GUCY2D: variants seen among roughly 807,000 people sequenced by gnomAD.
GUCY2D encodes the protein guanylate cyclase 2D, retinal, also known as retinal guanylyl cyclase 1.
In GUCY2D, 70 loss-of-function variants were observed where a neutral mutation model predicts 101.3. The observed-to-expected ratio is 0.69, with a 90% CI of 0.57 to 0.84. The LOEUF is 0.84. Ranked by LOEUF, GUCY2D falls within the 40% of genes least tolerant of loss-of-function variation. The pLI, the probability that GUCY2D is intolerant of heterozygous loss-of-function variation, is 0.00. For synonymous variants in GUCY2D, 688 were observed against 670.7 expected (o/e 1.03, Z -0.40); for missense variants, 1,460 against 1,542.5 (o/e 0.95, Z 0.90).
rs767060337 is a variant in GUCY2D at position 8,006,399 on chromosome 17, T to C, written c.1063T>C (p.Phe355Leu). 6.2e-7 allele frequency: 1 copy of C among 1,601,586 alleles called. No individual in the cohort carries two copies. Among genetic ancestry groups the C allele is most frequent in the South Asian group, 1.1e-5 (1 of 91,084 alleles). The change falls in exon 4 of 20, where the codon TTC (phenylalanine) becomes CTC (leucine). Residue 355 changes from phenylalanine to leucine, a missense_variant. Phe to Leu is a conservative substitution (Grantham distance 22). Coordinates refer to ENST00000254854, the MANE Select transcript of GUCY2D (RefSeq NM_000180.4). ...CTTTGGCACCATCTATGACGCGGTC[T>C]TCTTGCTGGCAAGGGGCGTGGCAGA... ...PLFGTIYDAVFLLARGVAEAR... is the reference protein window; with the variant it reads ...PLFGTIYDAVLLLARGVAEAR...
Position 8,002,857 on chromosome 17 carries a change from G to T in GUCY2D, c.-10+123G>T. On this transcript the variant is annotated intron_variant, in intron 1 of 19. Coordinates refer to ENST00000254854, the MANE Select transcript of GUCY2D (RefSeq NM_000180.4). The surrounding 1 kb of genome is among the most constrained non-coding windows in gnomAD (Gnocchi z 4.9). ...CCGGGTGGGAGCGGGAAGCCGGGGC[G>T]GCAGAAGGGGGCTTCGGGGCGGTGT... 3 of 542,986 alleles carry T rather than the reference G, an allele frequency of 5.5e-6. No homozygotes were observed. The highest frequency in any genetic ancestry group is 2.4e-5 in the South Asian group (1 of 41,818). The allele number at this position is 542,986 out of a possible 1,614,324, so 33.6% of individuals were successfully genotyped here. A position where few individuals can be genotyped will look rare whatever the true frequency, so the allele number is the denominator to read the frequency against.
At chr17:8,006,917 T>C in intron 4 of GUCY2D, 143 bp from the exon 5 acceptor site, 3 of 822,504 alleles carry the variant, frequency 3.6e-6, no homozygotes, top group South Asian at 2.9e-5. Flanking sequence ...CCTCTCCCCT[T>C]TGAGGAACTA....
chr17:8,007,032 A>G lies in GUCY2D; in HGVS notation c.1379-28A>G, dbSNP rs61749680. 1.3e-6 allele frequency: 2 copies of G among 1,579,962 alleles called. No homozygotes were observed. Among genetic ancestry groups the G allele is most frequent in the South Asian group, 1.1e-5 (1 of 90,376 alleles). ...GAGGCCTCCCCTGGCATCGCTCCTC[A>G]GTATACCTCCTGTCACTGTCCCTTC... On this transcript the variant is annotated intron_variant, in intron 4 of 19. Coordinates refer to ENST00000254854, the MANE Select transcript of GUCY2D (RefSeq NM_000180.4).
chr17:8,012,668 C>T, intron 10 of GUCY2D, 62 bp downstream of exon 10: 1 of 1,286,206 alleles, frequency 7.8e-7, no homozygotes, highest in South Asian at 1.2e-5. Flanking sequence ...GGGCTTCTCC[C>T]CCGCTTCCTC....
At chr17:8,005,768 T>C (rs2151800169) in intron 3 of GUCY2D, among the ~76,000 whole-genome samples, 3 of 152,334 alleles carry the variant, frequency 2.0e-5, no homozygotes, top group Middle Eastern at 6.8e-3. Flanking sequence ...TGTACACTGA[T>C]ACATCTTTAG....
intron 7 of GUCY2D, 102 bp from the exon 8 acceptor site, chr17:8,009,404 C>T: frequency 2.4e-6 from 2 of 816,468 alleles, no homozygotes; most frequent in Non-Finnish European, 4.4e-6. Context: ...AAGATGCATT[C>T]TGGGACAGTG....
intron 19 of GUCY2D, among the ~76,000 whole-genome samples, chr17:8,017,688 G>C (rs80076597): frequency 0.029 from 4,364 of 152,220 alleles, 74 homozygotes; most frequent in Non-Finnish European, 0.048. Context: ...AATCCTCTCT[G>C]CTTAGAATTT....
In GUCY2D at chr17:8,016,483, G is replaced by C. The variant is rs779735498; in HGVS notation, c.3265G>C (p.Glu1089Gln). 2.7e-5 allele frequency: 43 copies of C among 1,580,690 alleles called. No individual in the cohort carries two copies. The highest frequency in any genetic ancestry group is 3.4e-5 in the Non-Finnish European group (39 of 1,164,048). Reference protein sequence around the residue: ...HGISLQEIPPERRRKLEKARP... With the variant: ...HGISLQEIPPQRRRKLEKARP... ...CATCAGCCTGCAGGAGATCCCACCC[G>C]AGCGGCGACGGAAGCTGGAGAAGGC... is the stretch of plus-strand genomic sequence containing the variant. Residue 1089 changes from glutamate (E) to glutamine (Q), a missense_variant, in exon 19 of 20, where the codon GAG becomes CAG. Physicochemically the swap from Glu to Gln is conservative, Grantham distance 29 (BLOSUM62 2). Coordinates refer to ENST00000254854, the MANE Select transcript of GUCY2D (RefSeq NM_000180.4).
In GUCY2D at chr17:8,002,911, C is replaced by T. The variant is rs908261667; in HGVS notation, c.-9-128C>T. The T allele has an allele frequency of 5.7e-6, 4 of 696,212 alleles. No homozygotes were observed. Among genetic ancestry groups the T allele is most frequent in the Non-Finnish European group, 9.1e-6 (4 of 439,666 alleles). 43.1% of individuals were successfully genotyped at this position (696,212 alleles called of 1,614,324 possible). ...TGGCCCCAGTTAGTCTTCCCAGCCT[C>T]CGGAGGGGGCGGTAGCAGCAGAATC... is the stretch of plus-strand genomic sequence containing the variant. On this transcript the variant is annotated intron_variant, in intron 1 of 19. Transcript: ENST00000254854. This position sits in a 1 kb window ranked among gnomAD's most constrained non-coding sequence, Gnocchi z 4.9.
In GUCY2D at chr17:8,013,661, C is replaced by T. The variant is rs1035327554; in HGVS notation, c.2264-219C>T. ...TATGTTAGTTTCTTTGCCTATGTCA[C>T]CTCTTACTGACCCCCAGAGTTCGAG... On this transcript the variant is annotated intron_variant, in intron 11 of 19. Coordinates refer to ENST00000254854, the MANE Select transcript of GUCY2D (RefSeq NM_000180.4). This position sits in a 1 kb window ranked among gnomAD's most constrained non-coding sequence, Gnocchi z 5.0. 6.7e-6 allele frequency: 4 copies of T among 601,296 alleles called. No homozygotes were observed. Among genetic ancestry groups the T allele is most frequent in the Admixed American group, 2.9e-5 (1 of 34,060 alleles). 37.2% of individuals were successfully genotyped at this position (601,296 alleles called of 1,614,324 possible).
rs1975757493 is a variant in GUCY2D at position 8,007,057 on chromosome 17, C to G, written c.1379-3C>G. The G allele has an allele frequency of 6.2e-7, 1 of 1,612,994 alleles. No homozygotes were observed. Among genetic ancestry groups the G allele is most frequent in the Non-Finnish European group, 8.5e-7 (1 of 1,179,060 alleles). ...AGTATACCTCCTGTCACTGTCCCTTCAGGACTGGAGCCGGGCCTCGTCTTT... is the reference window on the plus strand; with the variant it reads ...AGTATACCTCCTGTCACTGTCCCTTGAGGACTGGAGCCGGGCCTCGTCTTT... On this transcript the variant is annotated splice_polypyrimidine_tract_variant and splice_region_variant and intron_variant, in intron 4 of 19. Coordinates refer to ENST00000254854, the MANE Select transcript of GUCY2D (RefSeq NM_000180.4).
rs756730335 is a variant in GUCY2D at position 8,003,890 on chromosome 17, G to A, written c.760G>A (p.Glu254Lys). The A allele has an allele frequency of 6.2e-7, 1 of 1,613,260 alleles. No individual in the cohort carries two copies. The highest frequency in any genetic ancestry group is 8.5e-7 in the Non-Finnish European group (1 of 1,179,814). The change falls in exon 3 of 20, where the codon GAG becomes AAG. Residue 254 changes from glutamate to lysine, a missense_variant. By Grantham distance (56) the Glu-to-Lys change is moderately conservative. Around this residue, in one of 3 missense-constraint regions of GUCY2D, gnomAD observed 1,196 missense variants for 1,229.6 expected, o/e 0.97. Coordinates refer to ENST00000254854, the MANE Select transcript of GUCY2D (RefSeq NM_000180.4). ...GATGCACTCGGTGCTGCTGGGTGGCGAGGAGCAGCGCTACCTCCTGGAGGC... is the reference window on the plus strand; with the variant it reads ...GATGCACTCGGTGCTGCTGGGTGGCAAGGAGCAGCGCTACCTCCTGGAGGC... ...MVMHSVLLGG[E>K]EQRYLLEAAE...
chr17:8,015,464 C>T lies in GUCY2D; in HGVS notation c.2906C>T (p.Pro969Leu), dbSNP rs1342592717. The change falls in exon 15 of 20, where the codon CCT becomes CTT. Residue 969 changes from proline (P) to leucine (L), a missense_variant. Coordinates refer to ENST00000254854, the MANE Select transcript of GUCY2D (RefSeq NM_000180.4). ...GGCACTTTCCGCATGCGCCATATGC[C>T]TGAGGTTCCCGTGCGCATCCGCATA... ...AVGTFRMRHM[P>L]EVPVRIRIGL... 2 of 1,613,448 alleles carry T rather than the reference C, an allele frequency of 1.2e-6. No individual in the cohort carries two copies. Among genetic ancestry groups the T allele is most frequent in the Middle Eastern group, 1.7e-4 (1 of 5,824 alleles).
chr17:8,007,273 G>A lies in GUCY2D; in HGVS notation c.1463+129G>A, dbSNP rs982221872. 1.1e-5 allele frequency: 10 copies of A among 918,588 alleles called. No individual in the cohort carries two copies. In the African/African-American group the frequency reaches 1.3e-4, roughly 12 times the overall value. 56.9% of individuals were successfully genotyped at this position (918,588 alleles called of 1,614,324 possible). On this transcript the variant is annotated intron_variant, in intron 5 of 19. Coordinates refer to ENST00000254854, the MANE Select transcript of GUCY2D (RefSeq NM_000180.4). ...TTTCTTGGGGTGAGGGTGTTCTGGT[G>A]GGCTGGTAGAGTCCCAGGGGATGTG...
chr17:8,016,543 G>C lies in GUCY2D; in HGVS notation c.*13G>C, dbSNP rs1229506093. 1 of 1,528,568 alleles carries C rather than the reference G, an allele frequency of 6.5e-7. No individual in the cohort carries two copies. Among genetic ancestry groups the C allele is most frequent in the Non-Finnish European group, 8.9e-7 (1 of 1,128,730 alleles). 94.7% of individuals were successfully genotyped at this position (1,528,568 alleles called of 1,614,324 possible). ...CCAGTTCTCTTGAGAAGTGAGGCCCGGCCCCGGACAGGTACTGCCCCCTCA... is the reference window on the plus strand; with the variant it reads ...CCAGTTCTCTTGAGAAGTGAGGCCCCGCCCCGGACAGGTACTGCCCCCTCA... On this transcript the variant is annotated 3_prime_UTR_variant, in exon 19 of 20. Coordinates refer to ENST00000254854, the MANE Select transcript of GUCY2D (RefSeq NM_000180.4).
rs1429203893 is a variant in GUCY2D, at chr17:8,011,702, GCCT to G, written c.1750-441_1750-439del. Among the ~76,000 whole-genome samples, 2 of 152,128 alleles carry G rather than the reference GCCT, an allele frequency of 1.3e-5. No homozygotes were observed. Among genetic ancestry groups the G allele is most frequent in the African/African-American group, 4.8e-5 (2 of 41,434 alleles). ...ATGTTATCTAGGCATGGTGGCACAA[GCCT>G]GTAGTCCCAGCTATTCAGGAGGCTG... is the stretch of plus-strand genomic sequence containing the variant. On this transcript the variant is annotated intron_variant, in intron 8 of 19. Transcript: ENST00000254854. The surrounding 1 kb of genome is among the most constrained non-coding windows in gnomAD (Gnocchi z 4.3).
Position 8,015,982 on chromosome 17 carries a change from G to A in GUCY2D, c.3099G>A (p.Ser1033=), listed in dbSNP as rs1490443286. ...TGGGGATTCTCCGTGCTCTGGACTC[G>A]GGCTACCAGGTGGAGCTGCGAGGCC... is the stretch of plus-strand genomic sequence containing the variant. ...STVGILRALD[S]GYQVELRGRT... is the part of the protein sequence containing the mutation. The change falls in exon 17 of 20, where the codon TCG becomes TCA. Residue 1033 remains serine (S), a synonymous_variant. Coordinates refer to ENST00000254854, the MANE Select transcript of GUCY2D (RefSeq NM_000180.4). The A allele has an allele frequency of 1.2e-6, 2 of 1,611,566 alleles. No individual in the cohort carries two copies. Among genetic ancestry groups the A allele is most frequent in the South Asian group, 1.1e-5 (1 of 90,502 alleles).
Position 8,006,472 on chromosome 17 carries a change from C to G in GUCY2D, c.1136C>G (p.Ala379Gly), listed in dbSNP as rs1460624299. The G allele has an allele frequency of 1.2e-5, 20 of 1,606,534 alleles. No homozygotes were observed. Among genetic ancestry groups the G allele is most frequent in the Non-Finnish European group, 1.7e-5 (20 of 1,179,942 alleles). ...GGRWVSGAAV[A>G]RHIRDAQVPG... ...AGATGGGTGTCCGGAGCAGCTGTGG[C>G]CCGCCACATCCGGGATGCGCAGGTC... Residue 379 changes from alanine to glycine, a missense_variant, in exon 4 of 20, where the codon GCC becomes GGC. Physicochemically the swap from Ala to Gly is moderately conservative, Grantham distance 60. Coordinates refer to ENST00000254854, the MANE Select transcript of GUCY2D (RefSeq NM_000180.4).
In GUCY2D at chr17:8,016,492, CG is replaced by C. The variant is rs780219814; in HGVS notation, c.3276del (p.Lys1093SerfsTer14). The C allele has an allele frequency of 1.1e-5, 18 of 1,581,892 alleles. No homozygotes were observed. In the South Asian group the frequency reaches 2.0e-4, roughly 17 times the overall value. ...SLQEIPPERR[R>X]KLEKARPGQF... is the part of the protein sequence containing the mutation. Reference sequence around the variant, plus strand: ...GCAGGAGATCCCACCCGAGCGGCGACGGAAGCTGGAGAAGGCGCGGCCGGGC... The same window carrying C: ...GCAGGAGATCCCACCCGAGCGGCGACGAAGCTGGAGAAGGCGCGGCCGGGC... On this transcript the variant is annotated frameshift_variant, in exon 19 of 20. Coordinates refer to ENST00000254854, the MANE Select transcript of GUCY2D (RefSeq NM_000180.4). LOFTEE classifies it high-confidence loss of function.
Sources: allele counts gnomAD v4.1 joint callset (sites outside exome capture counted in the v4.1 genomes callset), GRCh38; gene constraint gnomAD v4.1.1; regional missense constraint gnomAD v4.1.1; non-coding constraint Gnocchi (gnomAD v3.1); transcripts MANE v1.5; gene names NCBI Gene and HGNC (gene_info 2026-07-23, HGNC 2026-07-21).